Variants in ADGRL2 observed in about 807,000 individuals in gnomAD.
ADGRL2 encodes calcium-independent alpha-latrotoxin receptor 2.
ADGRL2 carries 44 observed loss-of-function variants against 157.4 expected under a neutral mutation model. The ratio of observed to expected loss-of-function variants is 0.28; its 90% CI spans 0.22 to 0.36. ADGRL2 has a LOEUF of 0.36. Among genes scored for constraint, ADGRL2 ranks in the 10% least tolerant of loss-of-function variants. The pLI is 1.00. For missense variants in ADGRL2, 1,510 were observed against 1,768.9 expected (o/e 0.85, Z 2.63); for synonymous variants, 585 against 624.7 (o/e 0.94, Z 0.95).
At chr1:81,450,657 G>A (rs959018421) in intron 2 of ADGRL2, among the ~76,000 whole-genome samples, 5 of 151,896 alleles carry the variant, frequency 3.3e-5, no homozygotes, top group African/African-American at 1.2e-4. Flanking sequence ...TTTATTGCAT[G>A]TATGTACATT....
intron 2 of ADGRL2, among the ~76,000 whole-genome samples, chr1:81,786,013 G>A (rs1176336007): frequency 6.6e-6 from 1 of 151,904 alleles, no homozygotes; most frequent in Non-Finnish European, 1.5e-5. Flanking sequence ...CTAAGGTAGG[G>A]GGACTGCTTG....
In ADGRL2 at chr1:81,943,050, G is replaced by T. The variant is rs187930349; in HGVS notation, c.491G>T (p.Cys164Phe). 6.2e-7 allele frequency: 1 copy of T among 1,613,196 alleles called. No homozygotes were observed. Among genetic ancestry groups the T allele is most frequent in the African/African-American group, 1.3e-5 (1 of 74,964 alleles). ...YEAEQKAGAW[C>F]KDPLQAADKI... ...GCTGAACAAAAGGCGGGTGCTTGGTGCAAGGACCCTCTTCAGGCTGCAGAT... is the reference window on the plus strand; with the variant it reads ...GCTGAACAAAAGGCGGGTGCTTGGTTCAAGGACCCTCTTCAGGCTGCAGAT... Residue 164 changes from cysteine to phenylalanine, a missense_variant, in exon 6 of 24, where the codon TGC becomes TTC. Transcript: ENST00000686636. This position sits in a 1 kb window ranked among gnomAD's most constrained non-coding sequence, Gnocchi z 5.6.
chr1:81,963,596 AT>A (rs201942530), intron 11 of ADGRL2, among the ~76,000 whole-genome samples: 3 of 151,012 alleles, frequency 2.0e-5, no homozygotes, highest in African/African-American at 4.9e-5. Context: ...TTTTGTAAAG[AT>A]TTTTTTTTAC....
At chr1:81,651,082 A>G (rs1163517997) in intron 3 of ADGRL2, among the ~76,000 whole-genome samples, 1 of 152,002 alleles carries the variant, frequency 6.6e-6, no homozygotes, top group Admixed American at 6.6e-5. Context: ...TGTGGAGTTT[A>G]AGGGAGATCA....
intron 2 of ADGRL2, among the ~76,000 whole-genome samples, chr1:81,532,751 C>CA (rs1258607829): frequency 6.6e-6 from 1 of 151,568 alleles, no homozygotes; most frequent in South Asian, 2.1e-4. Flanking sequence ...CTCACCACTA[C>CA]AAAAAATAAA....
intron 2 of ADGRL2, among the ~76,000 whole-genome samples, chr1:81,881,336 C>T (rs966928786): frequency 1.3e-5 from 2 of 152,086 alleles, no homozygotes; most frequent in Non-Finnish European, 2.9e-5. Context: ...CCGCCACGCC[C>T]GGCTAATTTT....
chr1:81,574,573 G>C (rs1249260066), intron 2 of ADGRL2, among the ~76,000 whole-genome samples: 1 of 152,052 alleles, frequency 6.6e-6, no homozygotes, highest in Non-Finnish European at 1.5e-5. Context: ...GGTCTTTAAG[G>C]GCATTCAGCT....
rs961618018 is a variant in ADGRL2 at position 81,763,620 on chromosome 1, C to A, written c.-101+1768C>A. Among the ~76,000 whole-genome samples, 5 of 150,190 alleles carry A rather than the reference C, an allele frequency of 3.3e-5. No homozygotes were observed. In the South Asian group the frequency reaches 1.0e-3, roughly 32 times the overall value. On this transcript the variant is annotated intron_variant, in intron 2 of 20. Coordinates refer to the ADGRL2 transcript ENST00000359929. Reference sequence around the variant, plus strand: ...AAAAAAAGGGCCAGGTGTGGTGGCTCACGCCTGTAATCCCAGCACTTTGGG... The same window carrying A: ...AAAAAAAGGGCCAGGTGTGGTGGCTAACGCCTGTAATCCCAGCACTTTGGG...
chr1:81,308,946 A>T (rs1659538669), intron 1 of ADGRL2, among the ~76,000 whole-genome samples: 2 of 152,138 alleles, frequency 1.3e-5, no homozygotes, highest in Non-Finnish European at 2.9e-5. Flanking sequence ...AATCTATAGA[A>T]CTGGTAAACT....
At chr1:81,501,811 A>AGCAGCAG (rs57360565) in intron 2 of ADGRL2, 81,861 of 1,524,300 alleles carry the variant, frequency 0.054, 1,080 homozygotes, top group African/African-American at 0.084. Flanking sequence ...AGCAGCAGCA[A>AGCAGCAG]CAGCAGCAGC....
intron 1 of ADGRL2, among the ~76,000 whole-genome samples, chr1:81,823,316 T>G (rs2091169918): frequency 6.6e-6 from 1 of 151,050 alleles, no homozygotes; most frequent in Non-Finnish European, 1.5e-5. Context: ...CTTCCCGTTT[T>G]TTCTCTCCTT....
At chr1:81,750,236 A>G (rs1208496589) in intron 1 of ADGRL2, among the ~76,000 whole-genome samples, 1 of 152,232 alleles carries the variant, frequency 6.6e-6, no homozygotes, top group African/African-American at 2.4e-5. Flanking sequence ...GTGTGAACAG[A>G]GAGCCTCAGT....
At chr1:81,658,830 C>A (rs2082590530) in intron 3 of ADGRL2, among the ~76,000 whole-genome samples, 1 of 152,038 alleles carries the variant, frequency 6.6e-6, no homozygotes, top group African/African-American at 2.4e-5. Context: ...CAGCTCATTG[C>A]AACCTCTGCC....
intron 3 of ADGRL2, among the ~76,000 whole-genome samples, chr1:81,659,424 C>T (rs1266023201): frequency 6.6e-6 from 1 of 152,044 alleles, no homozygotes; most frequent in Non-Finnish European, 1.5e-5. Flanking sequence ...AAAGTGCATG[C>T]CAATGGGAAT....
At chr1:81,852,861 T>C (rs2093063212) in intron 2 of ADGRL2, among the ~76,000 whole-genome samples, 1 of 152,176 alleles carries the variant, frequency 6.6e-6, no homozygotes, top group African/African-American at 2.4e-5. Flanking sequence ...TTTTTAGCTT[T>C]ATTAAATTAT....
chr1:81,326,640 G>T (rs1419695329), intron 1 of ADGRL2, among the ~76,000 whole-genome samples: 1 of 152,030 alleles, frequency 6.6e-6, no homozygotes, highest in Non-Finnish European at 1.5e-5. Flanking sequence ...TTTGCTCTAG[G>T]GACAGAAATA....
intron 1 of ADGRL2, among the ~76,000 whole-genome samples, chr1:81,347,099 A>G (rs774309990): frequency 1.3e-5 from 2 of 152,176 alleles, no homozygotes; most frequent in Non-Finnish European, 2.9e-5. Flanking sequence ...AGAAATGTGA[A>G]CACTAAAACC....
chr1:81,564,725 T>C (rs1275505350), intron 2 of ADGRL2, among the ~76,000 whole-genome samples: 2 of 152,202 alleles, frequency 1.3e-5, no homozygotes, highest in East Asian at 1.9e-4. Context: ...GAGGGAATTA[T>C]ACATGCATAC....
intron 2 of ADGRL2, among the ~76,000 whole-genome samples, chr1:81,463,635 G>A (rs114423782): frequency 3.2e-4 from 49 of 152,282 alleles, no homozygotes; most frequent in African/African-American, 1.1e-3. Context: ...TGTTTTATGT[G>A]TCGTGGATTC....
Sources: allele counts gnomAD v4.1 joint callset (sites outside exome capture counted in the v4.1 genomes callset), GRCh38; gene constraint gnomAD v4.1.1; non-coding constraint Gnocchi (gnomAD v3.1); transcripts MANE v1.5; gene names NCBI Gene and HGNC (gene_info 2026-07-23, HGNC 2026-07-21).